ABL2: variants seen among roughly 807,000 people sequenced by gnomAD.
ABL2 encodes the protein tyrosine-protein kinase ABL2.
Under a neutral mutation model 107.7 loss-of-function variants are expected in ABL2, and 49 were observed. The observed-to-expected ratio is 0.45, with a 90% CI of 0.36 to 0.58. The LOEUF (loss-of-function observed/expected upper bound fraction) is 0.58. ABL2 is among the 20% of genes least tolerant of loss of function. ABL2 has a pLI of 0.00. For missense variants in ABL2, 1,245 were observed against 1,457.0 expected, an observed-to-expected ratio of 0.85 and a Z score of 2.37; for synonymous variants, 549 against 548.6, an observed-to-expected ratio of 1.00 and a Z score of -0.01.
chr1:179,133,522 T>C (rs182037732), intron 1 of ABL2, 148 bp from the exon 2 acceptor site: 65 of 1,274,698 alleles, frequency 5.1e-5, no homozygotes, highest in East Asian at 3.8e-4. Context: ...CCCTACTCCA[T>C]ACCTCAAATT....
Position 179,100,567 on chromosome 1 carries a change from T to A in ABL2, c.*7151A>T. 4.4e-6 allele frequency: 1 copy of A among 229,348 alleles called. No homozygotes were observed. Among genetic ancestry groups the A allele is most frequent in the Non-Finnish European group, 8.6e-6 (1 of 115,686 alleles). The allele number at this position is 229,348 out of a possible 1,614,324, so 14.2% of individuals were successfully genotyped here. On this transcript the variant is annotated 3_prime_UTR_variant, in exon 12 of 12. Coordinates refer to ENST00000502732, the MANE Select transcript of ABL2 (RefSeq NM_007314.4). ...AAGTTCTGACTACACAAACTCCTTATGTTTCCTTTCATAAAGCCTGCTAGC... is the reference window on the plus strand; with the variant it reads ...AAGTTCTGACTACACAAACTCCTTAAGTTTCCTTTCATAAAGCCTGCTAGC...
chr1:179,107,617 A>G lies in ABL2; in HGVS notation c.*101T>C, dbSNP rs953477141. On this transcript the variant is annotated 3_prime_UTR_variant, in exon 12 of 12. Transcript: ENST00000502732. Reference sequence around the variant, plus strand: ...GAGGTACTTCACATAAACACACTCAAGTATGAGTCTTTCATTTTCTGAAAA... The same window carrying G: ...GAGGTACTTCACATAAACACACTCAGGTATGAGTCTTTCATTTTCTGAAAA... 5 of 1,512,000 alleles carry G rather than the reference A, an allele frequency of 3.3e-6. No homozygotes were observed. The Admixed American group carries it at 6.8e-5, about 21-fold the overall frequency. The allele number at this position is 1,512,000 out of a possible 1,614,324, so 93.7% of individuals were successfully genotyped here.
chr1:179,178,876 G>T (rs1426085159), intron 1 of ABL2, among the ~76,000 whole-genome samples: 1 of 152,118 alleles, frequency 6.6e-6, no homozygotes, highest in East Asian at 1.9e-4. Flanking sequence ...CTGCACTCCA[G>T]CCTGGGCAAC....
intron 2 of ABL2, among the ~76,000 whole-genome samples, chr1:179,132,537 TATTATC>T (rs1035235734): frequency 4.0e-5 from 6 of 151,770 alleles, no homozygotes; most frequent in African/African-American, 1.5e-4. Context: ...TTATTATTAT[TATTATC>T]ATTATTATTT....
intron 1 of ABL2, among the ~76,000 whole-genome samples, chr1:179,166,699 C>A (rs1444184741): frequency 6.6e-6 from 1 of 150,932 alleles, no homozygotes; most frequent in Non-Finnish European, 1.5e-5. Flanking sequence ...ATCGCTTGAA[C>A]CTGGAAGGCA....
At chr1:179,216,080 T>C (rs983365074) in intron 1 of ABL2, among the ~76,000 whole-genome samples, 9 of 152,196 alleles carry the variant, frequency 5.9e-5, no homozygotes, top group Non-Finnish European at 1.0e-4. Flanking sequence ...AGAATACAAA[T>C]GGCCTGGGCC....
At chr1:179,122,927 T>C (rs1451081691) in intron 4 of ABL2, among the ~76,000 whole-genome samples, 1 of 152,158 alleles carries the variant, frequency 6.6e-6, no homozygotes, top group African/African-American at 2.4e-5. Context: ...CCCAAATTGC[T>C]GGGATTACAG....
At chr1:179,161,650 G>A (rs1201577043) in intron 1 of ABL2, among the ~76,000 whole-genome samples, 2 of 152,186 alleles carry the variant, frequency 1.3e-5, no homozygotes, top group African/African-American at 2.4e-5. Flanking sequence ...GATCAAGGCT[G>A]CAGTCAGCTG....
At chr1:179,193,145 C>CA (rs906020553) in intron 1 of ABL2, among the ~76,000 whole-genome samples, 77 of 144,634 alleles carry the variant, frequency 5.3e-4, no homozygotes, top group South Asian at 3.7e-3. Flanking sequence ...GCACAACTTG[C>CA]AAAAAAAAAT....
intron 1 of ABL2, among the ~76,000 whole-genome samples, chr1:179,134,625 C>T (rs1656664407): frequency 6.6e-6 from 1 of 152,186 alleles, no homozygotes; most frequent in Non-Finnish European, 1.5e-5. Context: ...GCTCTTTTCT[C>T]TCTGTATTTT....
rs1220165040 is a variant in ABL2 at position 179,114,976 on chromosome 1, C to T, written c.1463G>A (p.Gly488Asp). ...IATYGMSPYP[G>D]IDLSQVYDLL... is the part of the protein sequence containing the mutation. ...GTCATAGACCTGAGACAGGTCAATA[C>T]CTGGATATGGTGACATTCCATAGGT... Residue 488 changes from glycine to aspartate, a missense_variant, in exon 9 of 12, where the codon GGT becomes GAT. This residue lies in a region of ABL2 where 320 missense variants were observed against 547.0 expected (regional missense o/e 0.59). Transcript: ENST00000502732. 1 of 1,610,426 alleles carries T rather than the reference C, an allele frequency of 6.2e-7. No homozygotes were observed. The highest frequency in any genetic ancestry group is 1.1e-5 in the South Asian group (1 of 90,012).
At chr1:179,148,370 CA>C (rs1460519872) in intron 1 of ABL2, among the ~76,000 whole-genome samples, 1 of 152,148 alleles carries the variant, frequency 6.6e-6, no homozygotes, top group Non-Finnish European at 1.5e-5. Flanking sequence ...GTGCTCACTT[CA>C]TGTTTCTGTG....
At chr1:179,201,702 G>A (rs1190340716) in intron 1 of ABL2, 5 of 651,624 alleles carry the variant, frequency 7.7e-6, no homozygotes, top group Non-Finnish European at 1.4e-5. Context: ...CTTGACGTAG[G>A]TCAGAGGCAT....
chr1:179,150,335 T>C (rs1658287431), intron 1 of ABL2, among the ~76,000 whole-genome samples: 1 of 152,222 alleles, frequency 6.6e-6, no homozygotes, highest in Non-Finnish European at 1.5e-5. Flanking sequence ...TCTACCATTC[T>C]AGATGCCATT....
intron 1 of ABL2, 71 bp downstream of exon 1, chr1:179,229,170 G>GCCCC: frequency 1.1e-5 from 3 of 266,256 alleles, no homozygotes; most frequent in East Asian, 9.4e-5. Flanking sequence ...CAGCCCGTCC[G>GCCCC]CCACCCACCC....
chr1:179,164,072 T>A (rs1341423322), intron 1 of ABL2, among the ~76,000 whole-genome samples: 1 of 152,214 alleles, frequency 6.6e-6, no homozygotes, highest in Non-Finnish European at 1.5e-5. Context: ...ACAGAGGGAT[T>A]GCATGAGACA....
At chr1:179,184,348 A>C in intron 1 of ABL2, 1 of 624,020 alleles carries the variant, frequency 1.6e-6, no homozygotes. Flanking sequence ...ACTGAAATCA[A>C]ATGGAAAGCT....
chr1:179,148,185 T>A (rs1055360207), intron 1 of ABL2, among the ~76,000 whole-genome samples: 2 of 151,956 alleles, frequency 1.3e-5, no homozygotes, highest in Non-Finnish European at 2.9e-5. Context: ...ACCACACGTG[T>A]GTGCCATCAC....
In ABL2 at chr1:179,110,173, G is replaced by A. The variant is rs182128446; in HGVS notation, c.1825+109C>T. ...CATGGGTGGGTAAAAGAGACGCCAT[G>A]CTTTCCCCAGGGAGGACGGGCATGA... On this transcript the variant is annotated intron_variant, in intron 11 of 11. Coordinates refer to ENST00000502732, the MANE Select transcript of ABL2 (RefSeq NM_007314.4). 5.2e-4 allele frequency: 696 copies of A among 1,336,088 alleles called. 4 individuals carry two copies. The highest frequency in any genetic ancestry group is 5.0e-5 in the South Asian group (4 of 80,772). The allele number at this position is 1,336,088 out of a possible 1,614,324, so 82.8% of individuals were successfully genotyped here.
Sources: allele counts gnomAD v4.1 joint callset (sites outside exome capture counted in the v4.1 genomes callset), GRCh38; gene constraint gnomAD v4.1.1; regional missense constraint gnomAD v4.1.1; transcripts MANE v1.5; gene names NCBI Gene and HGNC (gene_info 2026-07-23, HGNC 2026-07-21).